The following CELF5 variants were observed in gnomAD, a reference collection of about 807,000 sequenced individuals.
CELF5 encodes the protein CUGBP Elav-like family member 5.
In CELF5, 6 loss-of-function variants were observed where a neutral mutation model predicts 54.9. The ratio of observed to expected loss-of-function variants is 0.11; its 90% CI spans 0.06 to 0.22. The LOEUF is 0.22. Among genes scored for constraint, CELF5 ranks in the 10% least tolerant of loss-of-function variants. The pLI is 1.00. For missense variants in CELF5, 401 were observed against 678.6 expected, an observed-to-expected ratio of 0.59 and a Z score of 4.54; for synonymous variants, 271 against 290.9, an observed-to-expected ratio of 0.93 and a Z score of 0.70.
chr19:3,270,947 G>A (rs2079952557), intron 2 of CELF5, among the ~76,000 whole-genome samples: 1 of 151,916 alleles, frequency 6.6e-6, no homozygotes, highest in African/African-American at 2.4e-5. Context: ...TGGAGGGTTC[G>A]GTGATGGGGG....
chr19:3,286,567 T>A (rs35088221), intron 10 of CELF5: 19,282 of 151,846 alleles, frequency 0.13, 1,312 homozygotes, highest in Middle Eastern at 0.22. Flanking sequence ...ACCCCATGTC[T>A]ACAAAAAAAT....
At chr19:3,251,166 G>C in intron 2 of CELF5, 99 bp downstream of exon 2, 3 of 871,564 alleles carry the variant, frequency 3.4e-6, no homozygotes, top group Non-Finnish European at 5.6e-6. Flanking sequence ...TGAATTCTGT[G>C]TGTCTCGGGA....
At chr19:3,230,080 A>ATTCG (rs2144973451) in intron 1 of CELF5, among the ~76,000 whole-genome samples, 1 of 129,574 alleles carries the variant, frequency 7.7e-6, no homozygotes, top group South Asian at 2.4e-4. Flanking sequence ...GACCACACTC[A>ATTCG]TTCATTCATT....
Position 3,290,387 on chromosome 19 carries a change from C to T in CELF5, c.1330+13C>T, listed in dbSNP as rs529492719. On this transcript the variant is annotated intron_variant, in intron 11 of 12. Coordinates refer to ENST00000292672, the MANE Select transcript of CELF5 (RefSeq NM_021938.4). ...AGCAAGTGTTTCGGTGAGTGGCCGC[C>T]GACGCCACCCCTCCCCATCCACCTC... 3.7e-6 allele frequency: 6 copies of T among 1,611,740 alleles called. No homozygotes were observed. Among genetic ancestry groups the T allele is most frequent in the Non-Finnish European group, 4.2e-6 (5 of 1,178,344 alleles).
At chr19:3,239,188 C>A (rs1265475852) in intron 1 of CELF5, among the ~76,000 whole-genome samples, 2 of 152,076 alleles carry the variant, frequency 1.3e-5, no homozygotes, top group African/African-American at 4.8e-5. Context: ...CAGCCTCGAC[C>A]TCCCAGGCTC....
At chr19:3,257,797 A>G in intron 2 of CELF5, among the ~76,000 whole-genome samples, 1 of 116,178 alleles carries the variant, frequency 8.6e-6, no homozygotes, top group Admixed American at 8.4e-5. Context: ...TTATTTATTT[A>G]TTTATTTATT....
At chr19:3,273,761 G>C in intron 2 of CELF5, 111 bp from the exon 3 acceptor site, 1 of 742,326 alleles carries the variant, frequency 1.3e-6, no homozygotes, top group Non-Finnish European at 2.4e-6. Context: ...GGGGTGCTGA[G>C]GGCTGGTGGT....
intron 1 of CELF5, among the ~76,000 whole-genome samples, chr19:3,225,944 T>G (rs1916884113): frequency 6.6e-6 from 1 of 152,206 alleles, no homozygotes; most frequent in South Asian, 2.1e-4. Flanking sequence ...CAGGCCTGTC[T>G]GCCTCCCTCC....
intron 2 of CELF5, among the ~76,000 whole-genome samples, chr19:3,264,725 T>C (rs59120919): frequency 0.23 from 35,243 of 150,224 alleles, 4,402 homozygotes; most frequent in South Asian, 0.3. Flanking sequence ...CTTTTTTTTT[T>C]TTCTTTTTTG....
At chr19:3,240,323 T>C (rs985473308) in intron 1 of CELF5, among the ~76,000 whole-genome samples, 1 of 148,604 alleles carries the variant, frequency 6.7e-6, no homozygotes, top group Non-Finnish European at 1.5e-5. Context: ...GGCCCTTCTT[T>C]TTCTTTCTTT....
At chr19:3,265,681 G>A (rs1027273878) in intron 2 of CELF5, among the ~76,000 whole-genome samples, 1 of 152,170 alleles carries the variant, frequency 6.6e-6, no homozygotes, top group Non-Finnish European at 1.5e-5. Flanking sequence ...CAGAAAGCTC[G>A]TGAATCATCC....
At chr19:3,277,487 T>A (rs2080075742) in intron 4 of CELF5, among the ~76,000 whole-genome samples, 1 of 151,874 alleles carries the variant, frequency 6.6e-6, no homozygotes, top group Admixed American at 6.6e-5. Context: ...AAGAAAAAAA[T>A]TGAGATGTCT....
intron 2 of CELF5, among the ~76,000 whole-genome samples, chr19:3,264,160 G>T (rs543526042): frequency 6.6e-6 from 1 of 151,944 alleles, no homozygotes; most frequent in Non-Finnish European, 1.5e-5. Context: ...TGGAATTCCA[G>T]CTACTCAGTA....
At chr19:3,245,229 T>C (rs567614015) in intron 1 of CELF5, among the ~76,000 whole-genome samples, 1 of 149,132 alleles carries the variant, frequency 6.7e-6, no homozygotes, top group South Asian at 2.1e-4. Context: ...GTGTGTGATG[T>C]GTATATGCAT....
intron 2 of CELF5, among the ~76,000 whole-genome samples, chr19:3,259,802 G>A (rs1019676873): frequency 1.5e-4 from 22 of 151,570 alleles, no homozygotes; most frequent in Admixed American, 1.2e-3. Context: ...CATGGAGTGG[G>A]TGGAGGCCAG....
At chr19:3,253,577 A>C (rs1347207404) in intron 2 of CELF5, among the ~76,000 whole-genome samples, 1 of 152,164 alleles carries the variant, frequency 6.6e-6, no homozygotes, top group Non-Finnish European at 1.5e-5. Flanking sequence ...TCGGAATTAC[A>C]CACCATCATT....
intron 2 of CELF5, among the ~76,000 whole-genome samples, chr19:3,270,367 C>T (rs2079940732): frequency 6.6e-6 from 1 of 151,850 alleles, no homozygotes; most frequent in South Asian, 2.1e-4. Context: ...AGGGAGTGCA[C>T]TCGGCAGAGA....
chr19:3,251,652 C>CCTTT (rs1325713330), intron 2 of CELF5, among the ~76,000 whole-genome samples: 33 of 67,116 alleles, frequency 4.9e-4, no homozygotes, highest in African/African-American at 1.4e-3. Context: ...ACAAGGGCTT[C>CCTTT]TTTTTTTTTT....
chr19:3,275,961 G>A lies in CELF5; in HGVS notation c.500G>A (p.Arg167Gln). Residue 167 changes from arginine (R) to glutamine (Q), a missense_variant, in exon 4 of 13, where the codon CGG becomes CAG. Physicochemically the swap from Arg to Gln is conservative, Grantham distance 43. Around this residue, in one of 6 missense-constraint regions of CELF5, gnomAD observed 87 missense variants for 190.2 expected, o/e 0.46. Transcript: ENST00000292672. This position sits in a 1 kb window ranked among gnomAD's most constrained non-coding sequence, Gnocchi z 6.7. ...FGVIDECTVLRGPDGSSKGCA... is the reference protein window; with the variant it reads ...FGVIDECTVLQGPDGSSKGCA... ...GTCATTGACGAGTGCACCGTGCTCC[G>A]GGGGCCTGACGGCAGCAGCAAAGGT... The A allele has an allele frequency of 6.2e-7, 1 of 1,610,198 alleles. No individual in the cohort carries two copies. Among genetic ancestry groups the A allele is most frequent in the Non-Finnish European group, 8.5e-7 (1 of 1,178,696 alleles).
Sources: gnomAD v4.1 joint callset for allele counts (sites outside exome capture counted in the v4.1 genomes callset) on GRCh38, gnomAD v4.1.1 for gene constraint, gnomAD v4.1.1 regional missense constraint, Gnocchi (gnomAD v3.1) non-coding constraint, MANE v1.5 for transcripts, NCBI Gene and HGNC (gene_info 2026-07-23, HGNC 2026-07-21) for gene names.